The following CYREN variants were observed in gnomAD, a reference collection of about 807,000 sequenced individuals.
The protein encoded by CYREN is cell cycle regulator of non-homologous end joining.
Under a neutral mutation model 9.7 loss-of-function variants are expected in CYREN, and 7 were observed. The ratio of observed to expected loss-of-function variants is 0.72; its 90% confidence interval spans 0.41 to 1.36. The LOEUF (loss-of-function observed/expected upper bound fraction) is 1.36, where lower values mean the gene tolerates loss of function less well. CYREN is among the 40% of genes most tolerant of loss of function. The pLI, the probability that CYREN is intolerant of heterozygous loss-of-function variation, is 0.01. For synonymous variants in CYREN, 76 were observed against 77.9 expected, an observed-to-expected ratio of 0.98 and a Z score of 0.13; for missense variants, 215 against 198.1, an observed-to-expected ratio of 1.09 and a Z score of -0.51.
intron 2 of CYREN, among the ~76,000 whole-genome samples, chr7:135,156,030 C>T (rs1170941618): frequency 1.7e-5 from 2 of 116,082 alleles, no homozygotes; most frequent in Non-Finnish European, 2.0e-5. Context: ...GACAGACACA[C>T]TGTTTTTTTT....
At chr7:135,134,755 A>T in intron 2 of CYREN, 1 of 1,244,158 alleles carries the variant, frequency 8.0e-7, no homozygotes, top group Non-Finnish European at 1.1e-6. Flanking sequence ...AAAAGGAAAA[A>T]TATTATTTAT....
At chr7:135,165,034 A>G (rs746806447), downstream of CYREN, 2 of 1,533,558 alleles carry the variant, frequency 1.3e-6, no homozygotes, top group East Asian at 2.3e-5. Flanking sequence ...AGTTCCAACC[A>G]TGGTCAGAGG....
chr7:135,157,338 C>A (rs1305461139), intron 2 of CYREN, among the ~76,000 whole-genome samples: 1 of 152,188 alleles, frequency 6.6e-6, no homozygotes, highest in Non-Finnish European at 1.5e-5. Context: ...GGCATAGGGT[C>A]AGTGTTCTCT....
In CYREN at chr7:135,141,738, A is replaced by G. The variant is rs1184949821; in HGVS notation, n.356+27011T>C. 2.0e-5 allele frequency among the ~76,000 whole-genome samples: 3 copies of G among 152,002 alleles called. No individual in the cohort carries two copies. The South Asian group carries it at 6.2e-4, about 31-fold the overall frequency. On this transcript the variant is annotated intron_variant and non_coding_transcript_variant, in intron 2 of 2. Coordinates refer to the CYREN transcript ENST00000459937. The stretch of plus-strand genomic sequence containing the variant: ...CTTTAGCTGTGTCCCAGACATTCTC[A>G]TATGTTGTATATTTGTTTTCATTAG...
rs558175742 is a variant in CYREN, at chr7:135,109,162, A to G, written n.357-14580T>C. On this transcript the variant is annotated intron_variant and non_coding_transcript_variant, in intron 2 of 2. Coordinates refer to the CYREN transcript ENST00000459937. ...TGAATTTTGATGATCTTTCCTATCCATATTCTGAATTCTATTTCTGTCATT... is the reference window on the plus strand; with the variant it reads ...TGAATTTTGATGATCTTTCCTATCCGTATTCTGAATTCTATTTCTGTCATT... 8.6e-4 allele frequency among the ~76,000 whole-genome samples: 131 copies of G among 152,272 alleles called. No individual in the cohort carries two copies. The South Asian group carries it at 9.5e-3, about 11-fold the overall frequency.
At chr7:135,102,753 C>T (rs1470693478) in intron 2 of CYREN, among the ~76,000 whole-genome samples, 1 of 150,870 alleles carries the variant, frequency 6.6e-6, no homozygotes, top group Non-Finnish European at 1.5e-5. Flanking sequence ...TTGTCTTACA[C>T]CATAGCAAAA....
chr7:135,133,379 C>T (rs1307103283), intron 2 of CYREN, among the ~76,000 whole-genome samples: 5 of 152,176 alleles, frequency 3.3e-5, no homozygotes, highest in South Asian at 2.1e-4. Flanking sequence ...AAGTTTAACA[C>T]GATGCCTATC....
At chr7:135,132,462 G>A (rs1206913704) in intron 2 of CYREN, among the ~76,000 whole-genome samples, 4 of 152,144 alleles carry the variant, frequency 2.6e-5, no homozygotes, top group African/African-American at 7.2e-5. Context: ...ACAGAATTCA[G>A]TACCCATCCA....
At chr7:135,125,270 G>A (rs1254303471) in intron 2 of CYREN, among the ~76,000 whole-genome samples, 1 of 151,980 alleles carries the variant, frequency 6.6e-6, no homozygotes, top group Non-Finnish European at 1.5e-5. Flanking sequence ...TCAACACCTT[G>A]ATGCAAATAA....
In CYREN at chr7:135,167,906, A is replaced by T. The variant is rs755738715; in HGVS notation, c.138-99T>A. 7 of 1,572,802 alleles carry T rather than the reference A, an allele frequency of 4.5e-6. No homozygotes were observed. The South Asian group carries it at 5.7e-5, about 13-fold the overall frequency. ...CAGGGCCTCTTCCCCCTGCCTTCCT[A>T]CCACGCAGGAGGTACCAGCACCTCT... On this transcript the variant is annotated intron_variant, in intron 2 of 3. Transcript: ENST00000393114.
At chr7:135,154,038 A>G (rs986256456) in intron 2 of CYREN, among the ~76,000 whole-genome samples, 4 of 151,740 alleles carry the variant, frequency 2.6e-5, no homozygotes, top group South Asian at 2.1e-4. Flanking sequence ...TAGAAGTTCT[A>G]TTTCTTCCTG....
intron 2 of CYREN, 124 bp downstream of exon 2, chr7:135,168,662 T>C: frequency 3.6e-6 from 5 of 1,408,396 alleles, no homozygotes; most frequent in Non-Finnish European, 4.8e-6. Context: ...GCTCAAGAGA[T>C]GATCAGACTG....
At chr7:135,124,821 GC>G (rs1208242043) in intron 2 of CYREN, among the ~76,000 whole-genome samples, 4 of 152,136 alleles carry the variant, frequency 2.6e-5, no homozygotes, top group African/African-American at 9.7e-5. Flanking sequence ...TGAAATTAAA[GC>G]AGAAATCAAG....
At chr7:135,102,280 C>G (rs1823951606) in intron 2 of CYREN, among the ~76,000 whole-genome samples, 1 of 152,132 alleles carries the variant, frequency 6.6e-6, no homozygotes, top group Non-Finnish European at 1.5e-5. Flanking sequence ...AAAAATTGGA[C>G]TACCATGGAA....
At chr7:135,115,116 T>G (rs1826142121) in intron 2 of CYREN, among the ~76,000 whole-genome samples, 1 of 152,184 alleles carries the variant, frequency 6.6e-6, no homozygotes, top group Admixed American at 6.5e-5. Context: ...ATAAGGAGGC[T>G]TTTTCTTAAC....
chr7:135,160,428 A>G (rs1829900030), intron 2 of CYREN, among the ~76,000 whole-genome samples: 1 of 152,248 alleles, frequency 6.6e-6, no homozygotes, highest in Admixed American at 6.5e-5. Flanking sequence ...AACAAAAACC[A>G]GGGAAGGCCC....
intron 2 of CYREN, among the ~76,000 whole-genome samples, chr7:135,156,069 C>T (rs1341153502): frequency 6.6e-6 from 1 of 151,986 alleles, no homozygotes; most frequent in Non-Finnish European, 1.5e-5. Flanking sequence ...AAAATGCCAT[C>T]CCATTGTTTT....
downstream of CYREN, among the ~76,000 whole-genome samples, chr7:135,162,306 C>T (rs1829963231): frequency 6.6e-6 from 1 of 152,228 alleles, no homozygotes; most frequent in African/African-American, 2.4e-5. Flanking sequence ...TGAACACCAC[C>T]TGGGACTCCC....
In CYREN at chr7:135,169,079, T is replaced by G; in HGVS notation, c.-138-19A>C. On this transcript the variant is annotated intron_variant, in intron 1 of 3. Coordinates refer to ENST00000393114, the MANE Select transcript of CYREN (RefSeq NM_024033.4). ...TTGATTCCTACAAAGAACAATAAAG[T>G]CCGGTGAATTCCCATACCTCCAGTC... 1.4e-6 allele frequency: 1 copy of G among 709,410 alleles called. No homozygotes were observed. The highest frequency in any genetic ancestry group is 2.3e-6 in the Non-Finnish European group (1 of 443,422). 43.9% of individuals were successfully genotyped at this position (709,410 alleles called of 1,614,324 possible).
Sources: allele counts gnomAD v4.1 joint callset (sites outside exome capture counted in the v4.1 genomes callset), GRCh38; gene constraint gnomAD v4.1.1; transcripts MANE v1.5; gene names NCBI Gene and HGNC (gene_info 2026-07-23, HGNC 2026-07-21).